The following FAM177A1 variants were observed in gnomAD, a reference collection of about 807,000 sequenced individuals.
FAM177A1 encodes protein FAM177A1.
FAM177A1 carries 22 observed loss-of-function variants against 26.1 expected under a neutral mutation model. The ratio of observed to expected loss-of-function variants is 0.84; its 90% CI spans 0.60 to 1.20. The LOEUF (loss-of-function observed/expected upper bound fraction) is 1.20, where lower values mean the gene tolerates loss of function less well. Ranked by LOEUF, FAM177A1 falls within the 50% of genes most tolerant of loss-of-function variation. The pLI is 0.00. For missense variants in FAM177A1, 296 were observed against 291.1 expected, an observed-to-expected ratio of 1.02 and a Z score of -0.12; for synonymous variants, 95 against 99.3, an observed-to-expected ratio of 0.96 and a Z score of 0.26.
In FAM177A1 at chr14:35,046,456, G is replaced by T. The variant is rs759712498; in HGVS notation, c.-8G>T. 6.4e-7 allele frequency: 1 copy of T among 1,557,768 alleles called. No homozygotes were observed. The highest frequency in any genetic ancestry group is 1.2e-5 in the South Asian group (1 of 85,830). On this transcript the variant is annotated 5_prime_UTR_variant, in exon 1 of 5. Transcript: ENST00000280987. ...GGCTCGGCCAGCGACTGGGCGGGGA[G>T]ACCAAGGATGGAAGTGGGCTTACCG...
intron 1 of FAM177A1, chr14:35,047,068 T>G: frequency 9.5e-5 from 87 of 915,140 alleles, no homozygotes; most frequent in Non-Finnish European, 1.1e-4. Flanking sequence ...ACTGGATCCT[T>G]ACAGTAACCG....
At chr14:35,046,865 T>G (rs1595032632) in intron 1 of FAM177A1, 1 of 1,324,274 alleles carries the variant, frequency 7.6e-7, no homozygotes, top group African/African-American at 1.5e-5. Context: ...CGGCCTCGGG[T>G]TCCTGGGGTG....
chr14:35,060,480 T>C (rs1299981275), intron 2 of FAM177A1, among the ~76,000 whole-genome samples: 2 of 152,182 alleles, frequency 1.3e-5, no homozygotes, highest in East Asian at 1.9e-4. Context: ...CTGATTTTTT[T>C]CCCTATGTAT....
rs2045504282 is a variant in FAM177A1 at position 35,082,690 on chromosome 14, C to CA, written c.*1465dup. 2 of 151,990 alleles carry CA rather than the reference C, an allele frequency of 1.3e-5. No homozygotes were observed. The highest frequency in any genetic ancestry group is 2.9e-5 in the Non-Finnish European group (2 of 67,998). 9.4% of individuals were successfully genotyped at this position (151,990 alleles called of 1,614,324 possible). The stretch of plus-strand genomic sequence containing the variant: ...GATCTTAAAAGCCTTTTCAGAAACT[C>CA]AAAGCTTTCAGAAATTAATAGTTAT... On this transcript the variant is annotated 3_prime_UTR_variant, in exon 5 of 5. Coordinates refer to ENST00000280987, the MANE Select transcript of FAM177A1 (RefSeq NM_173607.5).
At chr14:35,078,639 G>A (rs755728808) in intron 3 of FAM177A1, among the ~76,000 whole-genome samples, 14 of 152,078 alleles carry the variant, frequency 9.2e-5, no homozygotes, top group East Asian at 3.8e-4. Context: ...GACATGAGCC[G>A]CCATGCCTGG....
chr14:35,080,910 C>A, intron 4 of FAM177A1, 112 bp from the exon 5 acceptor site: 2 of 1,102,778 alleles, frequency 1.8e-6, no homozygotes, highest in South Asian at 1.9e-5. Flanking sequence ...TTGAACATGA[C>A]ACTTTTTTTT....
chr14:35,075,615 A>G (rs907093003), intron 2 of FAM177A1, among the ~76,000 whole-genome samples: 1 of 152,180 alleles, frequency 6.6e-6, no homozygotes, highest in African/African-American at 2.4e-5. Context: ...TAATTAAACT[A>G]AAGAGCTTCT....
intron 2 of FAM177A1, among the ~76,000 whole-genome samples, chr14:35,076,557 G>A (rs1314027421): frequency 6.6e-6 from 1 of 151,966 alleles, no homozygotes; most frequent in Non-Finnish European, 1.5e-5. Flanking sequence ...AAACCTGCAT[G>A]TTGTGCACAG....
At chr14:35,062,380 G>C (rs1277160041) in intron 2 of FAM177A1, among the ~76,000 whole-genome samples, 2 of 152,070 alleles carry the variant, frequency 1.3e-5, no homozygotes, top group African/African-American at 4.8e-5. Context: ...GAATTTCCCT[G>C]AGTTGTGAAG....
At chr14:35,065,503 A>G (rs2045228605) in intron 2 of FAM177A1, among the ~76,000 whole-genome samples, 1 of 151,738 alleles carries the variant, frequency 6.6e-6, no homozygotes, top group African/African-American at 2.4e-5. Context: ...AATGCCATTT[A>G]GGGAAGTTGC....
chr14:35,071,110 C>A (rs1268823212), intron 2 of FAM177A1, among the ~76,000 whole-genome samples: 2 of 151,858 alleles, frequency 1.3e-5, no homozygotes, highest in Non-Finnish European at 2.9e-5. Context: ...CATTCTTCTG[C>A]CTCAGCCTCC....
At chr14:35,066,406 C>CTT (rs530069165) in intron 2 of FAM177A1, among the ~76,000 whole-genome samples, 150 of 126,032 alleles carry the variant, frequency 1.2e-3, no homozygotes, top group Admixed American at 2.3e-3. Flanking sequence ...AAAAGAGCAT[C>CTT]TTTTTTTTTT....
chr14:35,058,597 T>G (rs2045099641), intron 2 of FAM177A1, among the ~76,000 whole-genome samples: 1 of 152,156 alleles, frequency 6.6e-6, no homozygotes, highest in Non-Finnish European at 1.5e-5. Flanking sequence ...ATTTTAGGTC[T>G]GGCATGGTGG....
intron 2 of FAM177A1, among the ~76,000 whole-genome samples, chr14:35,068,457 GC>G (rs1447365414): frequency 1.3e-5 from 2 of 152,144 alleles, no homozygotes; most frequent in Non-Finnish European, 2.9e-5. Flanking sequence ...TTGTCCTCTG[GC>G]TTTTTATTGA....
intron 1 of FAM177A1, chr14:35,046,831 C>A (rs2044875110): frequency 1.5e-6 from 2 of 1,364,012 alleles, no homozygotes; most frequent in Non-Finnish European, 1.9e-6. Flanking sequence ...AACCCCTTGG[C>A]TGGCAGCACA....
At chr14:35,063,611 T>C (rs1010875906) in intron 2 of FAM177A1, among the ~76,000 whole-genome samples, 1 of 152,174 alleles carries the variant, frequency 6.6e-6, no homozygotes, top group Non-Finnish European at 1.5e-5. Flanking sequence ...CCATAGTTCC[T>C]ATTTAGTGTC....
chr14:35,080,326 C>A (rs569676384), intron 4 of FAM177A1, among the ~76,000 whole-genome samples: 1 of 152,296 alleles, frequency 6.6e-6, no homozygotes, highest in Admixed American at 6.5e-5. Context: ...TGCTATATAT[C>A]ATGTAGTAAA....
rs114831270 is a variant in FAM177A1 at position 35,046,999 on chromosome 14, G to C, written c.165+371G>C. ...CTTCTCAGTCTCTTCTGGTGCGAGC[G>C]CCTGCCTGGGCATCTGCCCTTTGCT... is the stretch of plus-strand genomic sequence containing the variant. On this transcript the variant is annotated intron_variant, in intron 1 of 4. Coordinates refer to ENST00000280987, the MANE Select transcript of FAM177A1 (RefSeq NM_173607.5). The C allele has an allele frequency of 2.3e-3, 2,341 of 1,039,390 alleles. 13 individuals are homozygous for C. The African/African-American group carries it at 0.027, about 12-fold the overall frequency. 64.4% of individuals were successfully genotyped at this position (1,039,390 alleles called of 1,614,324 possible).
At position 35,081,280 on chromosome 14, in the gene FAM177A1, A is replaced by C. The variant is rs2045480782; in HGVS notation, c.*52A>C. ...TCTTAAGTTTTTTTTTTTTAATACAAAAACTTTCACATTCTTTATTCAGTG... is the reference window on the plus strand; with the variant it reads ...TCTTAAGTTTTTTTTTTTTAATACACAAACTTTCACATTCTTTATTCAGTG... On this transcript the variant is annotated 3_prime_UTR_variant, in exon 5 of 5. Coordinates refer to ENST00000280987, the MANE Select transcript of FAM177A1 (RefSeq NM_173607.5). The C allele has an allele frequency of 6.6e-7, 1 of 1,525,306 alleles. No homozygotes were observed. The highest frequency in any genetic ancestry group is 1.3e-5 in the South Asian group (1 of 78,676). 94.5% of individuals were successfully genotyped at this position (1,525,306 alleles called of 1,614,324 possible).
Sources: gnomAD v4.1 joint callset for allele counts (sites outside exome capture counted in the v4.1 genomes callset) on GRCh38, gnomAD v4.1.1 for gene constraint, MANE v1.5 for transcripts, NCBI Gene and HGNC (gene_info 2026-07-23, HGNC 2026-07-21) for gene names.